The following SPG11 variants were observed in gnomAD, a reference collection of about 807,000 sequenced individuals.
The protein encoded by SPG11 is spatacsin.
In SPG11, 222 loss-of-function variants were observed where a neutral mutation model predicts 274.0. The ratio of observed to expected loss-of-function variants is 0.81; its 90% CI spans 0.73 to 0.91. The LOEUF (loss-of-function observed/expected upper bound fraction) is 0.91, where lower values mean the gene tolerates loss of function less well. Among genes scored for constraint, SPG11 ranks in the 40% least tolerant of loss-of-function variants. The pLI is 0.00. For missense variants in SPG11, 3,114 were observed against 2,872.7 expected (o/e 1.08, Z -1.92); for synonymous variants, 1,144 against 1,039.7 (o/e 1.10, Z -1.93).
At chr15:44,566,409 T>C in intron 36 of SPG11, 104 bp from the exon 37 acceptor site, 2 of 1,157,268 alleles carry the variant, frequency 1.7e-6, no homozygotes, top group Non-Finnish European at 2.5e-6. Context: ...CCCAGCCATG[T>C]TCACAGGCAG....
chr15:44,564,323 A>G (rs1744444526), intron 39 of SPG11, among the ~76,000 whole-genome samples: 1 of 152,180 alleles, frequency 6.6e-6, no homozygotes, highest in Non-Finnish European at 1.5e-5. Flanking sequence ...CTGAGTAGCT[A>G]TCCTCCCATT....
At chr15:44,615,876 C>T (rs2083581395) in intron 15 of SPG11, among the ~76,000 whole-genome samples, 1 of 152,088 alleles carries the variant, frequency 6.6e-6, no homozygotes, top group Admixed American at 6.6e-5. Context: ...CAGTGGTTAA[C>T]CCTTGAAGCT....
chr15:44,579,997 C>A (rs531627930), intron 30 of SPG11, among the ~76,000 whole-genome samples: 1 of 151,762 alleles, frequency 6.6e-6, no homozygotes, highest in Non-Finnish European at 1.5e-5. Context: ...CATTTACTTA[C>A]CACTTAGTGA....
At chr15:44,592,247 C>T in intron 27 of SPG11, 84 bp downstream of exon 27, 2 of 820,386 alleles carry the variant, frequency 2.4e-6, no homozygotes, top group South Asian at 1.4e-5. Flanking sequence ...AGTGAGACAC[C>T]AAGTCTTTAA....
intron 15 of SPG11, among the ~76,000 whole-genome samples, chr15:44,617,323 C>T (rs1447964979): frequency 6.6e-6 from 1 of 152,178 alleles, no homozygotes; most frequent in East Asian, 1.9e-4. Flanking sequence ...TCACTTATAG[C>T]ATTTTCCATA....
intron 20 of SPG11, among the ~76,000 whole-genome samples, chr15:44,603,635 GAGTCT>G (rs1220232570): frequency 6.6e-6 from 1 of 152,130 alleles, no homozygotes; most frequent in Non-Finnish European, 1.5e-5. Context: ...ATTTTGATAT[GAGTCT>G]AGTCATCTCT....
At chr15:44,564,443 A>T in intron 39 of SPG11, 104 bp downstream of exon 39, 1 of 1,108,684 alleles carries the variant, frequency 9.0e-7, no homozygotes, top group South Asian at 1.3e-5. Flanking sequence ...TTTTAAGTAG[A>T]GGTAATCTAA....
At chr15:44,618,217 A>C (rs1003519270) in intron 15 of SPG11, among the ~76,000 whole-genome samples, 9 of 151,992 alleles carry the variant, frequency 5.9e-5, no homozygotes, top group Admixed American at 1.3e-4. Flanking sequence ...TTTTAAGTTA[A>C]GGGAGTTTAG....
At chr15:44,622,434 T>C (rs1252817803) in intron 12 of SPG11, 87 bp from the exon 13 acceptor site, 1 of 1,093,074 alleles carries the variant, frequency 9.1e-7, no homozygotes, top group East Asian at 2.5e-5. Context: ...AATAAGGTAG[T>C]GCTGGGAATT....
At position 44,648,698 on chromosome 15, in the gene SPG11, G is replaced by A. The variant is rs374474959; in HGVS notation, c.1602+168C>T. On this transcript the variant is annotated intron_variant, in intron 7 of 39. Transcript: ENST00000261866. ...CTTTTAAAGCCAAAAAGGGTAAACT[G>A]CTAAGCAGAGTTAGGGTAATGAAAC... Among the ~76,000 whole-genome samples the A allele has an allele frequency of 2.1e-4, 32 of 152,194 alleles. No homozygotes were observed. In the East Asian group the frequency reaches 4.0e-3, roughly 19 times the overall value.
At chr15:44,612,475 C>T (rs1441529621) in intron 17 of SPG11, among the ~76,000 whole-genome samples, 4 of 152,206 alleles carry the variant, frequency 2.6e-5, no homozygotes, top group Admixed American at 1.3e-4. Flanking sequence ...AGTGCAGTGA[C>T]ACAATCTCTA....
chr15:44,642,364 C>CAAAAAAA (rs36011354), intron 7 of SPG11, among the ~76,000 whole-genome samples: 2 of 44,538 alleles, frequency 4.5e-5, no homozygotes, highest in Admixed American at 2.9e-4. Context: ...GACTCCATCT[C>CAAAAAAA]AAAAAAAAAA....
At position 44,584,259 on chromosome 15, in the gene SPG11, G is replaced by A; in HGVS notation, c.5421C>T (p.Thr1807=). Reference sequence around the variant, plus strand: ...CCTGATTTCTTCCAAGAGTGTGCTGGGTGATGCGGCACAGCCAGATCTGCT... The same window carrying A: ...CCTGATTTCTTCCAAGAGTGTGCTGAGTGATGCGGCACAGCCAGATCTGCT... The part of the protein sequence containing the change: ...LEKQIWLCRI[T]QHTLGRNQEE... The change falls in exon 30 of 40, where the codon ACC becomes ACT. Residue 1807 remains threonine, a synonymous_variant. Transcript: ENST00000261866. 2 of 1,614,094 alleles carry A rather than the reference G, an allele frequency of 1.2e-6. No homozygotes were observed. Among genetic ancestry groups the A allele is most frequent in the Non-Finnish European group, 1.7e-6 (2 of 1,180,010 alleles).
At position 44,607,013 on chromosome 15, in the gene SPG11, T is replaced by A. The variant is rs75711577; in HGVS notation, c.3454-922A>T. 7.9e-3 allele frequency among the ~76,000 whole-genome samples: 1,204 copies of A among 152,340 alleles called. 16 individuals carry two copies. The highest frequency in any genetic ancestry group is 0.025 in the African/African-American group (1,037 of 41,572). On this transcript the variant is annotated intron_variant, in intron 19 of 39. Transcript: ENST00000261866. ...TCCACTTTATCATTTATACCAGTGC[T>A]ACTCAAAGTGCTGGTCTAAAACAAG...
At chr15:44,621,358 C>A in intron 14 of SPG11, 1 of 157,434 alleles carries the variant, frequency 6.4e-6, no homozygotes, top group Non-Finnish European at 1.4e-5. Context: ...CAAACAAAAA[C>A]TTCAGCCATA....
intron 35 of SPG11, among the ~76,000 whole-genome samples, chr15:44,568,100 A>G (rs191762533): frequency 6.6e-6 from 1 of 152,304 alleles, no homozygotes; most frequent in East Asian, 1.9e-4. Context: ...TTATTAAAAT[A>G]ATTATATATA....
At chr15:44,650,890 G>A (rs1012996711) in intron 6 of SPG11, among the ~76,000 whole-genome samples, 1 of 152,096 alleles carries the variant, frequency 6.6e-6, no homozygotes, top group African/African-American at 2.4e-5. Context: ...TGGGACTACA[G>A]GTGCCGGCCA....
chr15:44,618,239 T>C (rs1049672554), intron 15 of SPG11, among the ~76,000 whole-genome samples: 3 of 151,780 alleles, frequency 2.0e-5, no homozygotes, highest in Admixed American at 6.6e-5. Context: ...CCAGGCGCAG[T>C]GGCTCACGCC....
Position 44,660,599 on chromosome 15 carries a change from G to C in SPG11, c.275C>G (p.Ser92Cys). The change falls in exon 2 of 40, where the codon TCT becomes TGT. Residue 92 changes from serine (S) to cysteine (C), a missense_variant. Ser to Cys is a moderately radical substitution (Grantham distance 112). Coordinates refer to ENST00000261866, the MANE Select transcript of SPG11 (RefSeq NM_025137.4). ...GPFWHFLWED[S>C]RNSSTPTEKP... ...TTCAGTTGGTGTGCTGCTGTTACGA[G>C]AATCCTCCCATAGAAAGCTAAGAAA... 2 of 1,614,040 alleles carry C rather than the reference G, an allele frequency of 1.2e-6. No individual in the cohort carries two copies. Among genetic ancestry groups the C allele is most frequent in the South Asian group, 1.1e-5 (1 of 91,078 alleles).
Sources: gnomAD v4.1 joint callset for allele counts (sites outside exome capture counted in the v4.1 genomes callset) on GRCh38, gnomAD v4.1.1 for gene constraint, MANE v1.5 for transcripts, NCBI Gene and HGNC (gene_info 2026-07-23, HGNC 2026-07-21) for gene names.